Variants in SPIDR observed in about 807,000 individuals in gnomAD.
The protein encoded by SPIDR is DNA repair-scaffolding protein.
In SPIDR, 93 loss-of-function variants were observed where a neutral mutation model predicts 104.6. The ratio of observed to expected loss-of-function variants is 0.89; its 90% CI spans 0.75 to 1.06. The LOEUF (loss-of-function observed/expected upper bound fraction) is 1.06, where lower values mean the gene tolerates loss of function less well. SPIDR is among the 50% of genes least tolerant of loss of function. The pLI, the probability that SPIDR is intolerant of heterozygous loss-of-function variation, is 0.00. For synonymous variants in SPIDR, 431 were observed against 416.9 expected (o/e 1.03, Z -0.41); for missense variants, 1,154 against 1,111.2 (o/e 1.04, Z -0.55).
chr8:47,589,529 CAAA>C (rs201545161), intron 8 of SPIDR, among the ~76,000 whole-genome samples: 3 of 137,712 alleles, frequency 2.2e-5, no homozygotes, highest in Admixed American at 2.2e-4. Context: ...CATCTCAAAA[CAAA>C]AAAAAAAAAT....
chr8:47,280,806 G>A (rs1015848614), intron 2 of SPIDR, among the ~76,000 whole-genome samples: 54 of 152,288 alleles, frequency 3.5e-4, no homozygotes, highest in Non-Finnish European at 2.5e-4. Flanking sequence ...CCAGAGTGCC[G>A]GGATTATAGG....
At chr8:47,263,423 C>A (rs1393482972) in intron 1 of SPIDR, among the ~76,000 whole-genome samples, 1 of 150,784 alleles carries the variant, frequency 6.6e-6, no homozygotes, top group Non-Finnish European at 1.5e-5. Flanking sequence ...CTCGCTCTGT[C>A]GCCCAGGCTG....
intron 7 of SPIDR, among the ~76,000 whole-genome samples, chr8:47,430,704 C>G (rs1056970618): frequency 6.6e-6 from 1 of 152,108 alleles, no homozygotes; most frequent in Non-Finnish European, 1.5e-5. Flanking sequence ...CAGTTTTTCC[C>G]AACACATTTG....
At chr8:47,320,471 A>G (rs1268321429) in intron 5 of SPIDR, among the ~76,000 whole-genome samples, 2 of 152,190 alleles carry the variant, frequency 1.3e-5, no homozygotes, top group Non-Finnish European at 2.9e-5. Flanking sequence ...TACCAAACAA[A>G]AAAAGTCCAG....
At chr8:47,261,774 A>C (rs1363024640) in intron 1 of SPIDR, among the ~76,000 whole-genome samples, 1 of 152,204 alleles carries the variant, frequency 6.6e-6, no homozygotes, top group African/African-American at 2.4e-5. Flanking sequence ...CTCGCTTCTC[A>C]AATACCATTG....
chr8:47,537,385 CAAAAT>C (rs1390779030), intron 8 of SPIDR, among the ~76,000 whole-genome samples: 9 of 151,862 alleles, frequency 5.9e-5, no homozygotes, highest in Non-Finnish European at 1.0e-4. Context: ...TACTCAGTGA[CAAAAT>C]GAAATGAGCT....
At chr8:47,477,161 G>GT (rs1416582938) in intron 8 of SPIDR, among the ~76,000 whole-genome samples, 1 of 152,030 alleles carries the variant, frequency 6.6e-6, no homozygotes, top group Non-Finnish European at 1.5e-5. Context: ...TTAATGAAAC[G>GT]TGGAGTCTGG....
chr8:47,674,272 G>T (rs1380675278), intron 11 of SPIDR, among the ~76,000 whole-genome samples: 1 of 152,198 alleles, frequency 6.6e-6, no homozygotes, highest in Non-Finnish European at 1.5e-5. Flanking sequence ...GTGGTAGGTT[G>T]TGTAAATGAA....
chr8:47,539,702 G>A (rs2087719994), intron 8 of SPIDR, among the ~76,000 whole-genome samples: 3 of 151,852 alleles, frequency 2.0e-5, no homozygotes, highest in Middle Eastern at 6.8e-3. Context: ...GGGAAGTGGG[G>A]TTTGGTGCAT....
intron 7 of SPIDR, among the ~76,000 whole-genome samples, chr8:47,421,965 TG>T (rs1256141464): frequency 2.0e-5 from 3 of 152,218 alleles, no homozygotes; most frequent in Admixed American, 2.0e-4. Flanking sequence ...TGATTGTTTC[TG>T]GAAGTTTTGT....
At chr8:47,459,453 T>C (rs115870136) in intron 8 of SPIDR, among the ~76,000 whole-genome samples, 2 of 152,272 alleles carry the variant, frequency 1.3e-5, no homozygotes, top group African/African-American at 2.4e-5. Context: ...AGATAATCTT[T>C]TGTATTTCTG....
chr8:47,577,135 G>A (rs2059217370), intron 8 of SPIDR, among the ~76,000 whole-genome samples: 1 of 152,252 alleles, frequency 6.6e-6, no homozygotes, highest in Non-Finnish European at 1.5e-5. Context: ...CAATTGAGCT[G>A]TGGGCCTAGA....
At chr8:47,450,034 C>T (rs1483710261) in intron 8 of SPIDR, among the ~76,000 whole-genome samples, 1 of 152,110 alleles carries the variant, frequency 6.6e-6, no homozygotes, top group African/African-American at 2.4e-5. Context: ...CACGATGGTG[C>T]ATGCATGTAG....
At chr8:47,261,028 C>T in intron 1 of SPIDR, 37 bp downstream of exon 1, 3 of 1,226,654 alleles carry the variant, frequency 2.4e-6, no homozygotes, top group Admixed American at 4.3e-5. Flanking sequence ...CGCGCCGTTT[C>T]CCGCGTTGCG....
chr8:47,593,911 T>C (rs1214596473), intron 8 of SPIDR, among the ~76,000 whole-genome samples: 1 of 151,956 alleles, frequency 6.6e-6, no homozygotes, highest in African/African-American at 2.4e-5. Context: ...TGAGCAGCGG[T>C]GAAAATCCTG....
At chr8:47,372,326 C>T (rs957133325) in intron 5 of SPIDR, among the ~76,000 whole-genome samples, 7 of 152,134 alleles carry the variant, frequency 4.6e-5, no homozygotes, top group African/African-American at 9.7e-5. Flanking sequence ...TTTGCATAGC[C>T]GGTGCTAGGC....
At chr8:47,527,453 C>CA (rs1392997878) in intron 8 of SPIDR, 1 of 152,360 alleles carries the variant, frequency 6.6e-6, no homozygotes, top group Non-Finnish European at 1.5e-5. Context: ...ACCACATCAG[C>CA]AAGGCTCCTG....
intron 5 of SPIDR, among the ~76,000 whole-genome samples, chr8:47,381,551 G>A (rs1387998635): frequency 6.6e-6 from 1 of 152,234 alleles, no homozygotes; most frequent in Non-Finnish European, 1.5e-5. Flanking sequence ...AAGAAAGGGA[G>A]GCTGAACTCA....
intron 8 of SPIDR, among the ~76,000 whole-genome samples, chr8:47,569,322 A>G (rs1250093604): frequency 6.6e-6 from 1 of 152,234 alleles, no homozygotes; most frequent in Non-Finnish European, 1.5e-5. Context: ...TAATAATTAG[A>G]GACTTAATTA....
Sources: allele counts gnomAD v4.1 joint callset (sites outside exome capture counted in the v4.1 genomes callset), GRCh38; gene constraint gnomAD v4.1.1; transcripts MANE v1.5; gene names NCBI Gene and HGNC (gene_info 2026-07-23, HGNC 2026-07-21).